The following CAMK2D variants were observed in gnomAD, a reference collection of about 807,000 sequenced individuals.
The protein encoded by CAMK2D is calcium/calmodulin-dependent protein kinase type II subunit delta.
CAMK2D carries 37 observed loss-of-function variants against 84.0 expected under a neutral mutation model. That is an observed-to-expected ratio of 0.44 (90% CI 0.34 to 0.58). The LOEUF (loss-of-function observed/expected upper bound fraction) is 0.58. CAMK2D is among the 20% of genes least tolerant of loss of function. CAMK2D has a pLI of 0.02. For missense variants in CAMK2D, 448 were observed against 652.5 expected (o/e 0.69, Z 3.41); for synonymous variants, 202 against 212.5 (o/e 0.95, Z 0.43).
chr4:113,568,879 C>A (rs960950287), intron 4 of CAMK2D, among the ~76,000 whole-genome samples: 4 of 151,906 alleles, frequency 2.6e-5, no homozygotes, highest in African/African-American at 9.7e-5. Context: ...GCTTATTGGT[C>A]ATTTGTATAT....
chr4:113,540,989 C>A (rs1177333588), intron 6 of CAMK2D, among the ~76,000 whole-genome samples: 1 of 152,194 alleles, frequency 6.6e-6, no homozygotes, highest in Non-Finnish European at 1.5e-5. Flanking sequence ...CATCTGGTCT[C>A]AGTGTCAACA....
intron 2 of CAMK2D, among the ~76,000 whole-genome samples, chr4:113,710,473 A>C (rs999323458): frequency 6.6e-6 from 1 of 152,164 alleles, no homozygotes; most frequent in Non-Finnish European, 1.5e-5. Context: ...TTTGGCACAC[A>C]CCTGGAACTA....
chr4:113,503,331 G>C (rs1041804137), intron 14 of CAMK2D: 6 of 544,198 alleles, frequency 1.1e-5, no homozygotes, highest in Non-Finnish European at 2.2e-5. Context: ...CTGTCCCATA[G>C]AGAACTGGCC....
intron 4 of CAMK2D, among the ~76,000 whole-genome samples, chr4:113,581,692 A>G (rs775353586): frequency 1.3e-5 from 2 of 152,052 alleles, no homozygotes; most frequent in African/African-American, 4.8e-5. Context: ...CCTTCCCACT[A>G]CTACAGCCTT....
At chr4:113,610,898 A>C (rs928211581) in intron 3 of CAMK2D, among the ~76,000 whole-genome samples, 8 of 152,116 alleles carry the variant, frequency 5.3e-5, no homozygotes, top group Admixed American at 3.9e-4. Flanking sequence ...GCCCAACAGG[A>C]ACCATATTTT....
chr4:113,578,082 A>G (rs1269472964), intron 4 of CAMK2D, among the ~76,000 whole-genome samples: 2 of 152,114 alleles, frequency 1.3e-5, no homozygotes, highest in African/African-American at 4.8e-5. Flanking sequence ...TCCACTCTAA[A>G]AGTCGTTTAA....
At chr4:113,527,721 TA>T (rs1338366106) in intron 8 of CAMK2D, among the ~76,000 whole-genome samples, 2 of 152,072 alleles carry the variant, frequency 1.3e-5, no homozygotes, top group East Asian at 1.9e-4. Flanking sequence ...TTATACATTA[TA>T]AAAAAAGGTT....
intron 2 of CAMK2D, among the ~76,000 whole-genome samples, chr4:113,743,627 C>T (rs940294823): frequency 6.6e-6 from 1 of 152,112 alleles, no homozygotes; most frequent in Non-Finnish European, 1.5e-5. Context: ...ATTCATTTTC[C>T]CCAAGCTTAT....
At chr4:113,670,672 A>AAAATCCTTCAAGCT (rs1404913057) in intron 2 of CAMK2D, among the ~76,000 whole-genome samples, 5 of 152,088 alleles carry the variant, frequency 3.3e-5, no homozygotes, top group African/African-American at 9.7e-5. Context: ...ACTTTGTATT[A>AAAATCCTTCAAGCT]AAATCCTTCA....
chr4:113,465,177 T>C (rs904295890), intron 17 of CAMK2D, among the ~76,000 whole-genome samples: 1 of 152,108 alleles, frequency 6.6e-6, no homozygotes, highest in African/African-American at 2.4e-5. Flanking sequence ...GGACTACAGG[T>C]GTGCACCACT....
intron 4 of CAMK2D, among the ~76,000 whole-genome samples, chr4:113,559,651 TTGAC>T (rs1319419298): frequency 6.6e-5 from 10 of 152,388 alleles, no homozygotes; most frequent in African/African-American, 2.4e-4. Context: ...GCAACTGCCT[TTGAC>T]TGAAAACATC....
intron 4 of CAMK2D, among the ~76,000 whole-genome samples, chr4:113,586,241 A>T (rs1233553815): frequency 6.6e-6 from 1 of 152,158 alleles, no homozygotes; most frequent in Non-Finnish European, 1.5e-5. Flanking sequence ...GCAAAAGGCT[A>T]TCTTTGCAAT....
chr4:113,667,315 G>C (rs956035467), intron 2 of CAMK2D, among the ~76,000 whole-genome samples: 1 of 152,154 alleles, frequency 6.6e-6, no homozygotes, highest in African/African-American at 2.4e-5. Context: ...AATGAATGAA[G>C]GATGGATGCC....
intron 3 of CAMK2D, among the ~76,000 whole-genome samples, chr4:113,639,973 G>T (rs934503468): frequency 6.6e-6 from 1 of 152,068 alleles, no homozygotes; most frequent in African/African-American, 2.4e-5. Context: ...ATGTGGGTTA[G>T]GGGGAGGGGA....
intron 3 of CAMK2D, among the ~76,000 whole-genome samples, chr4:113,646,824 A>G (rs1592436690): frequency 1.3e-5 from 2 of 152,260 alleles, no homozygotes; most frequent in African/African-American, 4.8e-5. Context: ...GAGGAAAGAC[A>G]TGGTCAGACT....
intron 18 of CAMK2D, among the ~76,000 whole-genome samples, chr4:113,458,755 C>T (rs562884995): frequency 5.3e-5 from 8 of 152,276 alleles, no homozygotes; most frequent in East Asian, 1.9e-4. Flanking sequence ...CATCTTAATT[C>T]GAAAATCCAT....
chr4:113,595,156 T>C (rs1033194447), intron 4 of CAMK2D, among the ~76,000 whole-genome samples: 1 of 152,086 alleles, frequency 6.6e-6, no homozygotes, highest in African/African-American at 2.4e-5. Context: ...CAAAAAACCC[T>C]AGAATTCTAT....
At chr4:113,587,237 T>G (rs1002084890) in intron 4 of CAMK2D, among the ~76,000 whole-genome samples, 1 of 152,208 alleles carries the variant, frequency 6.6e-6, no homozygotes, top group African/African-American at 2.4e-5. Flanking sequence ...AATGTGTATA[T>G]GCTTGTCAGT....
At chr4:113,629,482 CAAAT>C (rs1323668664) in intron 3 of CAMK2D, among the ~76,000 whole-genome samples, 1 of 151,812 alleles carries the variant, frequency 6.6e-6, no homozygotes, top group African/African-American at 2.4e-5. Flanking sequence ...CATATATAAA[CAAAT>C]AATATATATA....
Sources: gnomAD v4.1 joint callset for allele counts (sites outside exome capture counted in the v4.1 genomes callset) on GRCh38, gnomAD v4.1.1 for gene constraint, MANE v1.5 for transcripts, NCBI Gene and HGNC (gene_info 2026-07-23, HGNC 2026-07-21) for gene names.